The following CLASP2 variants were observed in gnomAD, a reference collection of about 807,000 sequenced individuals.
CLASP2 encodes cytoplasmic linker associated protein 2.
CLASP2 carries 47 observed loss-of-function variants against 194.4 expected under a neutral mutation model. That is an observed-to-expected ratio of 0.24 (90% CI 0.19 to 0.31). CLASP2 has a LOEUF of 0.31. CLASP2 is among the 10% of genes least tolerant of loss of function. The pLI is 1.00. For synonymous variants in CLASP2, 619 were observed against 633.5 expected, an observed-to-expected ratio of 0.98 and a Z score of 0.34; for missense variants, 1,445 against 1,823.6, an observed-to-expected ratio of 0.79 and a Z score of 3.78.
At chr3:33,645,664 C>G (rs1388101986) in intron 7 of CLASP2, among the ~76,000 whole-genome samples, 1 of 152,058 alleles carries the variant, frequency 6.6e-6, no homozygotes, top group African/African-American at 2.4e-5. Context: ...TCTTATTTGA[C>G]ATGAAAATTT....
intron 7 of CLASP2, among the ~76,000 whole-genome samples, chr3:33,653,117 T>C (rs1206106319): frequency 6.6e-6 from 1 of 152,170 alleles, no homozygotes; most frequent in African/African-American, 2.4e-5. Flanking sequence ...GGGAACTGTA[T>C]AAAGGACAGA....
chr3:33,644,515 C>G, intron 8 of CLASP2: 1 of 421,116 alleles, frequency 2.4e-6, no homozygotes, highest in Non-Finnish European at 4.3e-6. Context: ...TTCAAAATGG[C>G]ATCTGAAAAA....
At chr3:33,552,407 G>A (rs906326817) in intron 29 of CLASP2, among the ~76,000 whole-genome samples, 4 of 152,262 alleles carry the variant, frequency 2.6e-5, no homozygotes, top group Non-Finnish European at 2.9e-5. Context: ...GTGAGCCACC[G>A]TGCCCGGCCT....
chr3:33,680,533 G>T (rs1325723270), intron 6 of CLASP2, among the ~76,000 whole-genome samples: 1 of 152,212 alleles, frequency 6.6e-6, no homozygotes, highest in Non-Finnish European at 1.5e-5. Context: ...GTCTAGCCAG[G>T]CATGGTGGTT....
rs142456605 is a variant in CLASP2, at chr3:33,547,382, G to A, written c.3154-2541C>T. Among the ~76,000 whole-genome samples the A allele has an allele frequency of 1.8e-3, 270 of 152,278 alleles. 1 individual carries two copies. The highest frequency in any genetic ancestry group is 6.0e-3 in the African/African-American group (249 of 41,542). Reference sequence around the variant, plus strand: ...TCCTTGACTTCTGCCATGATTGTGAGGCTTCCTGAGCCACATGAAACTGTA... The same window carrying A: ...TCCTTGACTTCTGCCATGATTGTGAAGCTTCCTGAGCCACATGAAACTGTA... On this transcript the variant is annotated intron_variant, in intron 30 of 38. Coordinates refer to ENST00000682230, the MANE Select transcript of CLASP2 (RefSeq NM_001365631.1).
chr3:33,622,193 T>C lies in CLASP2; in HGVS notation c.1123A>G (p.Lys375Glu). ...QHLRLLDGAL[K>E]LSAKDLRSQV... ...GATCTAAGATCCTTAGCTGAAAGTT[T>C]AAGTGCTCCATCCAACAATCGTAAA... The change falls in exon 11 of 39, where the codon AAA becomes GAA. Residue 375 changes from lysine (K) to glutamate (E), a missense_variant. Lys to Glu is a moderately conservative substitution (Grantham distance 56, BLOSUM62 1). Transcript: ENST00000682230. 1 of 1,605,122 alleles carries C rather than the reference T, an allele frequency of 6.2e-7. No homozygotes were observed. The highest frequency in any genetic ancestry group is 8.5e-7 in the Non-Finnish European group (1 of 1,175,788).
chr3:33,504,610 T>C (rs1445990997), intron 37 of CLASP2: 2 of 152,198 alleles, frequency 1.3e-5, no homozygotes, highest in Non-Finnish European at 2.9e-5. Flanking sequence ...TCTAAGACGG[T>C]GGTCCCCAGC....
intron 32 of CLASP2, among the ~76,000 whole-genome samples, chr3:33,539,342 T>C (rs549578669): frequency 4.6e-4 from 70 of 151,496 alleles, no homozygotes; most frequent in Non-Finnish European, 8.9e-4. Flanking sequence ...AAATTTTTTC[T>C]TTTTTTTTGG....
At chr3:33,602,836 C>T (rs1215394076) in intron 18 of CLASP2, 116 bp downstream of exon 18, 1 of 1,077,770 alleles carries the variant, frequency 9.3e-7, no homozygotes, top group East Asian at 2.6e-5. Context: ...TATATTAAAA[C>T]ATATGGACTA....
At chr3:33,602,347 T>G in intron 18 of CLASP2, 1 of 556,162 alleles carries the variant, frequency 1.8e-6, no homozygotes, top group South Asian at 2.5e-5. Context: ...ATTTTTAGAT[T>G]AGGTATGCTC....
intron 2 of CLASP2, among the ~76,000 whole-genome samples, chr3:33,692,548 T>C (rs1455418254): frequency 1.3e-5 from 2 of 152,228 alleles, no homozygotes; most frequent in South Asian, 4.1e-4. Context: ...AACAAGACTG[T>C]ATTCCTAACT....
chr3:33,593,033 A>T (rs1352759356), intron 20 of CLASP2, among the ~76,000 whole-genome samples: 1 of 152,208 alleles, frequency 6.6e-6, no homozygotes, highest in East Asian at 1.9e-4. Context: ...CTCTTCCTCC[A>T]ATCAACTATT....
intron 31 of CLASP2, among the ~76,000 whole-genome samples, chr3:33,543,961 C>T (rs1043467219): frequency 6.6e-6 from 1 of 152,082 alleles, no homozygotes; most frequent in African/African-American, 2.4e-5. Flanking sequence ...GAAATAATCC[C>T]TACTCCTTTT....
chr3:33,515,230 AT>A (rs917597537), intron 36 of CLASP2, among the ~76,000 whole-genome samples: 8 of 152,194 alleles, frequency 5.3e-5, no homozygotes, highest in African/African-American at 1.4e-4. Flanking sequence ...AATAAAAAAA[AT>A]AGTCCCTATT....
At position 33,498,741 on chromosome 3, in the gene CLASP2, G is replaced by A. The variant is rs374532706; in HGVS notation, c.4435-24C>T. 116 of 1,519,048 alleles carry A rather than the reference G, an allele frequency of 7.6e-5. No individual in the cohort carries two copies. The African/African-American group carries it at 1.3e-3, about 17-fold the overall frequency. The allele number at this position is 1,519,048 out of a possible 1,614,324, so 94.1% of individuals were successfully genotyped here. ...ATCTGCAGATTCAAGCCAAATAAAT[G>A]TCATTTGAGCAAGCTGCTCCAAATT... On this transcript the variant is annotated intron_variant, in intron 38 of 38. Coordinates refer to ENST00000682230, the MANE Select transcript of CLASP2 (RefSeq NM_001365631.1).
chr3:33,628,732 G>C (rs895554678), intron 9 of CLASP2, among the ~76,000 whole-genome samples: 1 of 151,940 alleles, frequency 6.6e-6, no homozygotes, highest in South Asian at 2.1e-4. Flanking sequence ...TTAAAATCTC[G>C]GCATTATCTA....
At chr3:33,622,525 A>C (rs1021205304) in intron 10 of CLASP2, among the ~76,000 whole-genome samples, 1 of 152,216 alleles carries the variant, frequency 6.6e-6, no homozygotes, top group East Asian at 1.9e-4. Flanking sequence ...AATGTAAACT[A>C]TAAGTATATA....
rs576757069 is a variant in CLASP2 at position 33,681,242 on chromosome 3, A to C, written c.644+3117T>G. Among the ~76,000 whole-genome samples, 10 of 152,286 alleles carry C rather than the reference A, an allele frequency of 6.6e-5. No individual in the cohort carries two copies. The East Asian group carries it at 1.9e-3, about 29-fold the overall frequency. ...TTAACATCACTTCTTTCTTTCATCC[A>C]TAAAATGATGTAGAATTTACTCAAA... is the stretch of plus-strand genomic sequence containing the variant. On this transcript the variant is annotated intron_variant, in intron 6 of 38. Coordinates refer to ENST00000682230, the MANE Select transcript of CLASP2 (RefSeq NM_001365631.1).
chr3:33,685,910 A>C (rs2090607283), intron 5 of CLASP2, among the ~76,000 whole-genome samples: 1 of 152,104 alleles, frequency 6.6e-6, no homozygotes, highest in South Asian at 2.1e-4. Context: ...GAAGTTCTGG[A>C]GCTAGATGGT....
Sources: allele counts gnomAD v4.1 joint callset (sites outside exome capture counted in the v4.1 genomes callset), GRCh38; gene constraint gnomAD v4.1.1; transcripts MANE v1.5; gene names NCBI Gene and HGNC (gene_info 2026-07-23, HGNC 2026-07-21).